TKFC: variants seen among roughly 807,000 people sequenced by gnomAD.
The protein encoded by TKFC is triokinase/FMN cyclase.
TKFC carries 46 observed loss-of-function variants against 61.0 expected under a neutral mutation model. That is an observed-to-expected ratio of 0.75 (90% CI 0.60 to 0.96). The LOEUF (loss-of-function observed/expected upper bound fraction) is 0.96. Ranked by LOEUF, TKFC falls within the 50% of genes least tolerant of loss-of-function variation. The pLI is 0.00. For missense variants in TKFC, 715 were observed against 777.5 expected (o/e 0.92, Z 0.96); for synonymous variants, 314 against 330.1 (o/e 0.95, Z 0.53).
At chr11:61,352,817 A>G (rs1271259245), downstream of TKFC, 1 of 1,451,914 alleles carries the variant, frequency 6.9e-7, no homozygotes, top group South Asian at 1.5e-5. Context: ...CTGCTGACTT[A>G]CCAATTTCAA....
At chr11:61,351,259 G>A, downstream of TKFC, 1 of 751,620 alleles carries the variant, frequency 1.3e-6, no homozygotes, top group Non-Finnish European at 2.0e-6. Context: ...GGGTCCATAT[G>A]TGATCTAGAA....
chr11:61,343,324 C>G lies in TKFC; in HGVS notation c.866-18C>G. 6.2e-7 allele frequency: 1 copy of G among 1,609,018 alleles called. No homozygotes were observed. Among genetic ancestry groups the G allele is most frequent in the Non-Finnish European group, 8.5e-7 (1 of 1,175,720 alleles). ...TGCCCATTTTTCCCTTTTGGACTGC[C>G]ACACTCTGGTATTGCAGAGGGCCGC... On this transcript the variant is annotated intron_variant, in intron 10 of 17. Transcript: ENST00000394900.
chr11:61,337,664 C>G (rs1036606988), intron 2 of TKFC, among the ~76,000 whole-genome samples: 3 of 152,340 alleles, frequency 2.0e-5, no homozygotes, highest in African/African-American at 7.2e-5. Flanking sequence ...CAGGCAACCA[C>G]TCCCCCATTT....
downstream of TKFC, chr11:61,350,034 G>A (rs540195847): frequency 8.1e-6 from 4 of 493,334 alleles, no homozygotes; most frequent in African/African-American, 3.9e-5. Flanking sequence ...GGAGGACCTC[G>A]TGTGAATGGA....
chr11:61,347,879 C>T lies in TKFC; in HGVS notation c.*1376C>T. On this transcript the variant is annotated 3_prime_UTR_variant, in exon 18 of 18. Transcript: ENST00000394900. ...ATGGGCCATAAAGCCCAGCACAGTCCAAGTGCTCACTCACTGAGAGTTACG... is the reference window on the plus strand; with the variant it reads ...ATGGGCCATAAAGCCCAGCACAGTCTAAGTGCTCACTCACTGAGAGTTACG... 1 of 984,554 alleles carries T rather than the reference C, an allele frequency of 1.0e-6. No individual in the cohort carries two copies. The highest frequency in any genetic ancestry group is 1.2e-6 in the Non-Finnish European group (1 of 829,074). 61.0% of individuals were successfully genotyped at this position (984,554 alleles called of 1,614,324 possible).
At chr11:61,349,249 G>T, downstream of TKFC, 1 of 387,878 alleles carries the variant, frequency 2.6e-6, no homozygotes, top group East Asian at 5.3e-5. Context: ...CGCTAGGTTG[G>T]GCCAGGCAAG....
At position 61,348,333 on chromosome 11, in the gene TKFC, T is replaced by C; in HGVS notation, c.*1830T>C. 1.1e-6 allele frequency: 1 copy of C among 895,414 alleles called. No homozygotes were observed. Among genetic ancestry groups the C allele is most frequent in the Non-Finnish European group, 1.3e-6 (1 of 778,824 alleles). 55.5% of individuals were successfully genotyped at this position (895,414 alleles called of 1,614,324 possible). On this transcript the variant is annotated 3_prime_UTR_variant, in exon 18 of 18. Transcript: ENST00000394900. ...AATGAGCTGCATGTGAATCCACACA[T>C]GCCATTCCATGAAGACAGAGGATCA... is the stretch of plus-strand genomic sequence containing the variant.
At chr11:61,341,739 G>T (rs895547384) in intron 6 of TKFC, 84 bp from the exon 7 acceptor site, 46 of 1,378,184 alleles carry the variant, frequency 3.3e-5, no homozygotes, top group Non-Finnish European at 4.8e-5. Flanking sequence ...CTGTGGGCAG[G>T]GCCTCTGAGA....
intron 13 of TKFC, among the ~76,000 whole-genome samples, chr11:61,345,047 G>A (rs1023621345): frequency 2.0e-5 from 3 of 152,366 alleles, no homozygotes; most frequent in East Asian, 1.9e-4. Context: ...AGCGTCAAGT[G>A]GAGGGCTTCG....
At position 61,342,818 on chromosome 11, in the gene TKFC, T is replaced by C. The variant is rs756951316; in HGVS notation, c.839T>C (p.Ile280Thr). 7 of 1,613,854 alleles carry C rather than the reference T, an allele frequency of 4.3e-6. No homozygotes were observed. Among genetic ancestry groups the C allele is most frequent in the Non-Finnish European group, 5.9e-6 (7 of 1,180,024 alleles). Reference sequence around the variant, plus strand: ...CTGTCATTCCTGGAACTGGGCATCATAGCCGACGCTACCGTCCGCTCCCTG... The same window carrying C: ...CTGTCATTCCTGGAACTGGGCATCACAGCCGACGCTACCGTCCGCTCCCTG... ...GGLSFLELGIIADATVRSLEG... is the reference protein window; with the variant it reads ...GGLSFLELGITADATVRSLEG... Residue 280 changes from isoleucine to threonine, a missense_variant, in exon 10 of 18, where the codon ATA becomes ACA. Coordinates refer to ENST00000394900, the MANE Select transcript of TKFC (RefSeq NM_015533.4).
downstream of TKFC, chr11:61,351,365 C>G: frequency 2.6e-6 from 1 of 389,554 alleles, no homozygotes; most frequent in Non-Finnish European, 4.4e-6. Flanking sequence ...TCTCGGCTCA[C>G]TGCAAGCTCC....
At chr11:61,349,570 TAGGGCTGCC>T (rs1857298327), downstream of TKFC, 2 of 702,946 alleles carry the variant, frequency 2.8e-6, no homozygotes, top group East Asian at 5.4e-5. Context: ...CCAGGATTTG[TAGGGCTGCC>T]TGCCGGTGAC....
intron 15 of TKFC, 60 bp from the exon 16 acceptor site, chr11:61,345,652 C>T: frequency 6.2e-7 from 1 of 1,613,870 alleles, no homozygotes; most frequent in Non-Finnish European, 8.5e-7. Flanking sequence ...CTAGCCCAAC[C>T]CTCAGAGTGA....
chr11:61,344,128 C>G lies in TKFC; in HGVS notation c.1103-8C>G, dbSNP rs1199495702. The G allele has an allele frequency of 1.9e-6, 3 of 1,611,946 alleles. No individual in the cohort carries two copies. In the Admixed American group the frequency reaches 5.0e-5, roughly 27 times the overall value. On this transcript the variant is annotated splice_polypyrimidine_tract_variant and splice_region_variant and intron_variant, in intron 12 of 17. Transcript: ENST00000394900. ...GTGGGCCTGTTCTTCAGCATCCTCCCTTTCTAGGCTCAGCCTCGAAGCGGA... is the reference window on the plus strand; with the variant it reads ...GTGGGCCTGTTCTTCAGCATCCTCCGTTTCTAGGCTCAGCCTCGAAGCGGA...
At position 61,341,417 on chromosome 11, in the gene TKFC, T is replaced by C; in HGVS notation, c.487-19T>C. The C allele has an allele frequency of 6.4e-7, 1 of 1,552,136 alleles. No individual in the cohort carries two copies. The highest frequency in any genetic ancestry group is 8.7e-7 in the Non-Finnish European group (1 of 1,147,162). On this transcript the variant is annotated intron_variant, in intron 5 of 17. Transcript: ENST00000394900. ...GTGATACCCTCCCCCCTGGGGCTTTTACCTCTTTGTGGCTGCAGGTGGCAG... is the reference window on the plus strand; with the variant it reads ...GTGATACCCTCCCCCCTGGGGCTTTCACCTCTTTGTGGCTGCAGGTGGCAG...
chr11:61,346,020 G>T lies in TKFC; in HGVS notation c.1575+74G>T. ...CAGACTCCTGTCTCCATGTGACCCT[G>T]AGCAAGTTAATAACCTTCCTGGACC... On this transcript the variant is annotated intron_variant, in intron 17 of 17. Coordinates refer to ENST00000394900, the MANE Select transcript of TKFC (RefSeq NM_015533.4). The surrounding 1 kb of genome is among the most constrained non-coding windows in gnomAD (Gnocchi z 4.1). 1 of 1,497,378 alleles carries T rather than the reference G, an allele frequency of 6.7e-7. No homozygotes were observed. The highest frequency in any genetic ancestry group is 9.2e-7 in the Non-Finnish European group (1 of 1,091,138). The allele number at this position is 1,497,378 out of a possible 1,614,324, so 92.8% of individuals were successfully genotyped here.
In TKFC at chr11:61,346,023, C is replaced by A. The variant is rs892057706; in HGVS notation, c.1575+77C>A. 4 of 1,473,666 alleles carry A rather than the reference C, an allele frequency of 2.7e-6. No individual in the cohort carries two copies. The African/African-American group carries it at 4.2e-5, about 15-fold the overall frequency. The allele number at this position is 1,473,666 out of a possible 1,614,324, so 91.3% of individuals were successfully genotyped here. On this transcript the variant is annotated intron_variant, in intron 17 of 17. Coordinates refer to ENST00000394900, the MANE Select transcript of TKFC (RefSeq NM_015533.4). The surrounding 1 kb of genome is among the most constrained non-coding windows in gnomAD (Gnocchi z 4.1). ...ACTCCTGTCTCCATGTGACCCTGAG[C>A]AAGTTAATAACCTTCCTGGACCGCA...
downstream of TKFC, chr11:61,350,347 G>A (rs1857336982): frequency 1.9e-6 from 3 of 1,593,334 alleles, no homozygotes; most frequent in African/African-American, 1.3e-5. Context: ...GAGCTTCTGA[G>A]GGGAGCACAG....
chr11:61,345,886 G>A lies in TKFC; in HGVS notation c.1515G>A (p.Glu505=). ...MLDSLWAAGQ[E]LQAWKSPGAD... ...ATTCTCTGTGGGCAGCGGGGCAGGA[G>A]CTCCAAGCCTGGAAGAGCCCAGGAG... The change falls in exon 17 of 18, where the codon GAG becomes GAA. Residue 505 remains glutamate (E), a synonymous_variant. Transcript: ENST00000394900. 6.2e-7 allele frequency: 1 copy of A among 1,614,136 alleles called. No individual in the cohort carries two copies. Among genetic ancestry groups the A allele is most frequent in the East Asian group, 2.2e-5 (1 of 44,876 alleles).
Sources: allele counts gnomAD v4.1 joint callset (sites outside exome capture counted in the v4.1 genomes callset), GRCh38; gene constraint gnomAD v4.1.1; non-coding constraint Gnocchi (gnomAD v3.1); transcripts MANE v1.5; gene names NCBI Gene and HGNC (gene_info 2026-07-23, HGNC 2026-07-21).